DLG2: variants seen among roughly 807,000 people sequenced by gnomAD.
DLG2 encodes the protein disks large homolog 2.
DLG2 carries 45 observed loss-of-function variants against 132.5 expected under a neutral mutation model. That is an observed-to-expected ratio of 0.34 (90% CI 0.27 to 0.44). The LOEUF is 0.44. DLG2 is among the 20% of genes least tolerant of loss of function. The probability of loss-of-function intolerance (pLI) is 1.00; values close to 1 mark genes in which losing one functional copy is unlikely to be tolerated. For missense variants in DLG2, 1,045 were observed against 1,196.9 expected, an observed-to-expected ratio of 0.87 and a Z score of 1.87; for synonymous variants, 424 against 419.6, an observed-to-expected ratio of 1.01 and a Z score of -0.13.
chr11:83,904,336 C>T (rs1361709802), intron 15 of DLG2, among the ~76,000 whole-genome samples: 4 of 151,990 alleles, frequency 2.6e-5, no homozygotes, highest in African/African-American at 9.7e-5. Context: ...TTGAGGACCA[C>T]TGTGCTGTAT....
At chr11:83,573,226 A>C (rs2096827185) in intron 19 of DLG2, among the ~76,000 whole-genome samples, 1 of 152,178 alleles carries the variant, frequency 6.6e-6, no homozygotes, top group East Asian at 1.9e-4. Context: ...ATCCTATTAA[A>C]ATGATTACGA....
chr11:85,180,539 C>T (rs1052605623), intron 4 of DLG2, among the ~76,000 whole-genome samples: 9 of 151,764 alleles, frequency 5.9e-5, no homozygotes, highest in Non-Finnish European at 1.2e-4. Context: ...GATTCAGCAA[C>T]GAGAAAATCC....
rs573966734 is a variant in DLG2, at chr11:84,386,033, G to A, written c.520-134742C>T. 2.6e-5 allele frequency among the ~76,000 whole-genome samples: 4 copies of A among 152,004 alleles called. No homozygotes were observed. In the East Asian group the frequency reaches 5.8e-4, roughly 22 times the overall value. On this transcript the variant is annotated intron_variant, in intron 7 of 27. Coordinates refer to ENST00000376104, the MANE Select transcript of DLG2 (RefSeq NM_001142699.3). ...ATAAGCGAAGGACTCAGAATAGCAC[G>A]TTTCTTTAACCAATTTAGGGATTTT...
intron 19 of DLG2, among the ~76,000 whole-genome samples, chr11:83,605,039 T>C (rs199897093): frequency 3.6e-5 from 3 of 82,298 alleles, no homozygotes; most frequent in African/African-American, 6.0e-5. Context: ...GAGAGAGAGA[T>C]TGATTGATTC....
chr11:84,978,546 C>G (rs930920590), intron 6 of DLG2, among the ~76,000 whole-genome samples: 6 of 151,944 alleles, frequency 3.9e-5, no homozygotes, highest in Non-Finnish European at 7.4e-5. Flanking sequence ...ACAAACCTGA[C>G]AAAAACAAGA....
chr11:84,023,776 C>T (rs887699439), intron 11 of DLG2, among the ~76,000 whole-genome samples: 2 of 152,068 alleles, frequency 1.3e-5, no homozygotes, highest in Non-Finnish European at 2.9e-5. Context: ...TTATTATTTA[C>T]CAGAAAATAT....
At chr11:84,489,882 T>C (rs756045711) in intron 7 of DLG2, among the ~76,000 whole-genome samples, 21 of 150,588 alleles carry the variant, frequency 1.4e-4, no homozygotes, top group Non-Finnish European at 2.1e-4. Context: ...AGAAAGAAGA[T>C]GATATGGTAG....
chr11:84,197,036 C>CAAAAAAAAAAAAAAAA (rs60877284), intron 8 of DLG2, among the ~76,000 whole-genome samples: 1 of 87,936 alleles, frequency 1.1e-5, no homozygotes, highest in Non-Finnish European at 2.1e-5. Flanking sequence ...GACTCTTTCT[C>CAAAAAAAAAAAAAAAA]AAAAAAAAAA....
intron 5 of DLG2, among the ~76,000 whole-genome samples, chr11:85,130,834 AATAG>A (rs1425851235): frequency 6.6e-6 from 1 of 152,224 alleles, no homozygotes; most frequent in East Asian, 1.9e-4. Context: ...TGGTAGACTA[AATAG>A]ATAAGATTTG....
intron 6 of DLG2, among the ~76,000 whole-genome samples, chr11:84,748,702 G>A (rs1240259597): frequency 1.3e-5 from 2 of 152,152 alleles, no homozygotes; most frequent in Non-Finnish European, 2.9e-5. Flanking sequence ...GAGAAGTAAA[G>A]GTTACGCGGA....
intron 16 of DLG2, among the ~76,000 whole-genome samples, chr11:83,847,546 A>C (rs1227254621): frequency 6.6e-6 from 1 of 152,202 alleles, no homozygotes; most frequent in Non-Finnish European, 1.5e-5. Flanking sequence ...TTATTGTAGA[A>C]AAAACTTTAG....
intron 6 of DLG2, among the ~76,000 whole-genome samples, chr11:85,069,318 A>C (rs1378455074): frequency 6.6e-6 from 1 of 152,142 alleles, no homozygotes; most frequent in Non-Finnish European, 1.5e-5. Flanking sequence ...TGATTAAACT[A>C]AAGAGCTTCT....
intron 6 of DLG2, chr11:85,021,217 C>T (rs531937224): frequency 1.3e-5 from 16 of 1,231,872 alleles, no homozygotes; most frequent in Middle Eastern, 1.9e-4. Flanking sequence ...TACACACTGA[C>T]GTTTCGAGGG....
intron 7 of DLG2, among the ~76,000 whole-genome samples, chr11:84,478,523 T>G (rs928948795): frequency 6.6e-6 from 1 of 152,080 alleles, no homozygotes; most frequent in Non-Finnish European, 1.5e-5. Context: ...TTTTTTCTAG[T>G]GTAAATAATA....
At chr11:84,237,343 C>T (rs1216110275) in intron 8 of DLG2, among the ~76,000 whole-genome samples, 2 of 152,110 alleles carry the variant, frequency 1.3e-5, no homozygotes, top group Admixed American at 6.6e-5. Context: ...AAGAAAACCA[C>T]GAAAATTTCC....
At chr11:84,936,440 T>C (rs933279091) in intron 6 of DLG2, among the ~76,000 whole-genome samples, 2 of 152,124 alleles carry the variant, frequency 1.3e-5, no homozygotes, top group African/African-American at 4.8e-5. Flanking sequence ...ATGAAAAAAT[T>C]ACTAAGCAAA....
chr11:83,735,022 G>T (rs1458963584), intron 18 of DLG2, among the ~76,000 whole-genome samples: 1 of 152,112 alleles, frequency 6.6e-6, no homozygotes, highest in Non-Finnish European at 1.5e-5. Context: ...TGTCACCTTT[G>T]TGTAGGGGTT....
At chr11:85,010,103 G>A (rs1385112221) in intron 6 of DLG2, among the ~76,000 whole-genome samples, 1 of 152,070 alleles carries the variant, frequency 6.6e-6, no homozygotes, top group Non-Finnish European at 1.5e-5. Flanking sequence ...GAGGAACGGA[G>A]CCAAAACATA....
chr11:83,640,121 A>T (rs2066051520), intron 18 of DLG2, among the ~76,000 whole-genome samples: 1 of 152,202 alleles, frequency 6.6e-6, no homozygotes. Context: ...AAGATCACTG[A>T]GCTGTAAACA....
Sources: gnomAD v4.1 joint callset for allele counts (sites outside exome capture counted in the v4.1 genomes callset) on GRCh38, gnomAD v4.1.1 for gene constraint, MANE v1.5 for transcripts, NCBI Gene and HGNC (gene_info 2026-07-23, HGNC 2026-07-21) for gene names.